LDHA: variants seen among roughly 807,000 people sequenced by gnomAD.
LDHA encodes L-lactate dehydrogenase A chain.
LDHA carries 10 observed loss-of-function variants against 36.3 expected under a neutral mutation model. The observed-to-expected ratio is 0.28, with a 90% CI of 0.17 to 0.47. The LOEUF (loss-of-function observed/expected upper bound fraction) is 0.47, where lower values mean the gene tolerates loss of function less well. Ranked by LOEUF, LDHA falls within the 20% of genes least tolerant of loss-of-function variation. The pLI is 0.99. For synonymous variants in LDHA, 110 were observed against 136.7 expected, an observed-to-expected ratio of 0.80 and a Z score of 1.36; for missense variants, 267 against 405.8, an observed-to-expected ratio of 0.66 and a Z score of 2.94.
rs1175907071 is a variant in LDHA, at chr11:18,405,663, AT to A, written c.834+93del. The A allele has an allele frequency of 5.9e-6, 8 of 1,360,122 alleles. No homozygotes were observed. In the Admixed American group the frequency reaches 1.4e-4, roughly 23 times the overall value. The allele number at this position is 1,360,122 out of a possible 1,614,324, so 84.3% of individuals were successfully genotyped here. A position where few individuals can be genotyped will look rare whatever the true frequency, so the allele number is the denominator to read the frequency against. On this transcript the variant is annotated intron_variant, in intron 7 of 7. Coordinates refer to ENST00000422447, the MANE Select transcript of LDHA (RefSeq NM_005566.4). ...TGAGAAAGATTAATACAAGTCTTCCATTACTGACTTAAGTGAAATAAATTAA... is the reference window on the plus strand; with the variant it reads ...TGAGAAAGATTAATACAAGTCTTCCATACTGACTTAAGTGAAATAAATTAA...
intron 6 of LDHA, among the ~76,000 whole-genome samples, chr11:18,404,433 A>G (rs549112311): frequency 6.6e-6 from 1 of 151,960 alleles, no homozygotes; most frequent in East Asian, 1.9e-4. Context: ...GAAAAAAAAA[A>G]TTATTGAAAT....
In LDHA at chr11:18,407,202, C is replaced by G; in HGVS notation, c.920C>G (p.Thr307Ser). The G allele has an allele frequency of 6.2e-7, 1 of 1,613,378 alleles. No individual in the cohort carries two copies. The highest frequency in any genetic ancestry group is 1.1e-5 in the South Asian group (1 of 91,066). The change falls in exon 8 of 8, where the codon ACT (threonine) becomes AGT (serine). Residue 307 changes from threonine (T) to serine (S), a missense_variant. Transcript: ENST00000422447. Reference protein sequence around the residue: ...QNGISDLVKVTLTSEEEARLK... With the variant: ...QNGISDLVKVSLTSEEEARLK... ...GGAATCTCAGACCTTGTGAAGGTGA[C>G]TCTGACTTCTGAGGAAGAGGCCCGT...
Position 18,407,501 on chromosome 11 carries a change from T to TG in LDHA, c.*222dup. The TG allele has an allele frequency of 1.1e-6, 1 of 941,474 alleles. No homozygotes were observed. The highest frequency in any genetic ancestry group is 1.7e-6 in the Non-Finnish European group (1 of 600,818). 58.3% of individuals were successfully genotyped at this position (941,474 alleles called of 1,614,324 possible). ...GTATTAATCTTGTGTAGTCTTCAAC[T>TG]GGTTAGTGTGAAATAGTTCTGCCAC... is the stretch of plus-strand genomic sequence containing the variant. On this transcript the variant is annotated 3_prime_UTR_variant, in exon 8 of 8. Transcript: ENST00000422447.
chr11:18,399,399 T>G, intron 2 of LDHA, 32 bp from the exon 3 acceptor site: 1 of 1,484,780 alleles, frequency 6.7e-7, no homozygotes, highest in South Asian at 1.1e-5. Flanking sequence ...AGTGGCAATT[T>G]TCCATTTAAC....
At position 18,396,872 on chromosome 11, in the gene LDHA, T is replaced by C. The variant is rs768444502; in HGVS notation, c.30T>C (p.Tyr10=). 8.7e-6 allele frequency: 14 copies of C among 1,613,492 alleles called. No homozygotes were observed. The highest frequency in any genetic ancestry group is 1.2e-5 in the Non-Finnish European group (14 of 1,179,616). The change falls in exon 2 of 8, where the codon TAT becomes TAC. Residue 10 remains tyrosine, a synonymous_variant. Coordinates refer to ENST00000422447, the MANE Select transcript of LDHA (RefSeq NM_005566.4). ...CAACTCTAAAGGATCAGCTGATTTA[T>C]AATCTTCTAAAGGAAGAACAGACCC... MATLKDQLI[Y]NLLKEEQTPQ...
At chr11:18,400,195 C>T in intron 3 of LDHA, 1 of 181,564 alleles carries the variant, frequency 5.5e-6, no homozygotes, top group Non-Finnish European at 1.2e-5. Flanking sequence ...TGAGCCTGTT[C>T]AGCTAATACT....
chr11:18,397,024 C>A (rs894142315), intron 2 of LDHA, 56 bp downstream of exon 2: 12 of 1,437,774 alleles, frequency 8.3e-6, no homozygotes, highest in Middle Eastern at 1.7e-4. Flanking sequence ...CCTCTACCCC[C>A]ACTCCTACCC....
intron 1 of LDHA, chr11:18,396,271 C>T (rs966273014): frequency 3.4e-5 from 12 of 353,042 alleles, no homozygotes; most frequent in Admixed American, 1.4e-4. Flanking sequence ...CGGACTTGGG[C>T]GGGGCGTAAA....
chr11:18,403,544 C>T (rs1245274953), intron 5 of LDHA, 150 bp from the exon 6 acceptor site: 6 of 668,788 alleles, frequency 9.0e-6, no homozygotes, highest in Admixed American at 2.3e-5. Flanking sequence ...AAAATCTAAT[C>T]TAAAAGTGAG....
At chr11:18,398,567 G>T (rs1866373425) in intron 2 of LDHA, 1 of 116,690 alleles carries the variant, frequency 8.6e-6, no homozygotes. Flanking sequence ...TGTATTTTTA[G>T]TAGAGACAGG....
At chr11:18,401,337 G>A (rs1446189470) in intron 4 of LDHA, among the ~76,000 whole-genome samples, 3 of 150,738 alleles carry the variant, frequency 2.0e-5, no homozygotes, top group Non-Finnish European at 4.4e-5. Flanking sequence ...TTTTAGTAGA[G>A]ACAGGGTTTC....
chr11:18,400,594 A>C, intron 3 of LDHA: 1 of 561,194 alleles, frequency 1.8e-6, no homozygotes, highest in Non-Finnish European at 3.3e-6. Context: ...TAAGAAATTA[A>C]TAGGAGAATC....
Position 18,407,885 on chromosome 11 carries a change from A to T in LDHA, c.*604A>T, listed in dbSNP as rs148774730. The T allele has an allele frequency of 1.8e-3, 818 of 454,184 alleles. 2 individuals carry two copies. Among genetic ancestry groups the T allele is most frequent in the Non-Finnish European group, 3.0e-3 (672 of 226,836 alleles). The allele number at this position is 454,184 out of a possible 1,614,324, so 28.1% of individuals were successfully genotyped here. On this transcript the variant is annotated 3_prime_UTR_variant, in exon 8 of 8. Transcript: ENST00000422447. ...ATTCATTATATTAAGATATAAAGTC[A>T]TAAAGCTGCTAGTTATTATATTAAT...
At chr11:18,397,183 C>T in intron 2 of LDHA, 1 of 477,164 alleles carries the variant, frequency 2.1e-6, no homozygotes, top group Non-Finnish European at 3.7e-6. Context: ...AGGCTGGAGA[C>T]CCAGTTCCTA....
At chr11:18,402,654 A>G in intron 4 of LDHA, 186 bp from the exon 5 acceptor site, 1 of 592,298 alleles carries the variant, frequency 1.7e-6, no homozygotes, top group Non-Finnish European at 3.0e-6. Flanking sequence ...AGGCTTAAAA[A>G]TATTAACAAA....
intron 7 of LDHA, among the ~76,000 whole-genome samples, chr11:18,406,414 TAAAAAAA>T (rs532942664): frequency 3.1e-5 from 3 of 97,172 alleles, no homozygotes; most frequent in Non-Finnish European, 5.9e-5. Flanking sequence ...TTGCCTCTGT[TAAAAAAA>T]AAAAAAAAAA....
chr11:18,397,066 G>A (rs1866330029), intron 2 of LDHA, 98 bp downstream of exon 2: 3 of 1,119,148 alleles, frequency 2.7e-6, no homozygotes, highest in Non-Finnish European at 4.0e-6. Flanking sequence ...TCATGTAACA[G>A]TATTTAGATT....
rs1056866367 is a variant in LDHA, at chr11:18,396,752, A to T, written c.-24-67A>T. Reference sequence around the variant, plus strand: ...ACCCCCAAAGGAAGTAAAATAGCTTAAAAAAATCTCTTGGTTAATAAACAT... The same window carrying T: ...ACCCCCAAAGGAAGTAAAATAGCTTTAAAAAATCTCTTGGTTAATAAACAT... On this transcript the variant is annotated intron_variant, in intron 1 of 7. Coordinates refer to ENST00000422447, the MANE Select transcript of LDHA (RefSeq NM_005566.4). 1.9e-5 allele frequency: 28 copies of T among 1,461,792 alleles called. No homozygotes were observed. In the African/African-American group the frequency reaches 3.1e-4, roughly 16 times the overall value. 90.6% of individuals were successfully genotyped at this position (1,461,792 alleles called of 1,614,324 possible). A position where few individuals can be genotyped will look rare whatever the true frequency, so the allele number is the denominator to read the frequency against.
At chr11:18,399,890 C>G (rs903516366) in intron 3 of LDHA, 2 of 261,818 alleles carry the variant, frequency 7.6e-6, no homozygotes, top group African/African-American at 4.4e-5. Flanking sequence ...CCACTGTGCC[C>G]GGCTTTAGAC....
Sources: allele counts gnomAD v4.1 joint callset (sites outside exome capture counted in the v4.1 genomes callset), GRCh38; gene constraint gnomAD v4.1.1; transcripts MANE v1.5; gene names NCBI Gene and HGNC (gene_info 2026-07-23, HGNC 2026-07-21).